Variants in IGFBP7 observed in about 807,000 individuals in gnomAD.
IGFBP7 encodes insulin like growth factor binding protein 7.
A neutral mutation model predicts 29.4 loss-of-function variants in IGFBP7; 31 were observed. The observed-to-expected ratio is 1.05, with a 90% CI of 0.79 to 1.42. IGFBP7 has a LOEUF of 1.42. Ranked by LOEUF, IGFBP7 falls within the 40% of genes most tolerant of loss-of-function variation. The pLI is 0.00. For synonymous variants in IGFBP7, 172 were observed against 174.9 expected (o/e 0.98, Z 0.13); for missense variants, 393 against 395.5 (o/e 0.99, Z 0.05).
chr4:57,050,653 T>C (rs1724482694), intron 1 of IGFBP7, among the ~76,000 whole-genome samples: 1 of 151,960 alleles, frequency 6.6e-6, no homozygotes, highest in South Asian at 2.1e-4. Context: ...TCATGGGTCC[T>C]TCTGCCTCAG....
At chr4:57,059,909 G>T (rs1235044375) in intron 1 of IGFBP7, among the ~76,000 whole-genome samples, 2 of 152,152 alleles carry the variant, frequency 1.3e-5, no homozygotes, top group Non-Finnish European at 2.9e-5. Flanking sequence ...TGGTTTAAAA[G>T]GTGAGAAAGG....
chr4:57,041,342 T>C (rs1052427706), intron 1 of IGFBP7, among the ~76,000 whole-genome samples: 6 of 152,048 alleles, frequency 3.9e-5, no homozygotes, highest in Non-Finnish European at 5.9e-5. Flanking sequence ...AAGCAACCGC[T>C]CCATGGGTAA....
At position 57,032,524 on chromosome 4, in the gene IGFBP7, C is replaced by T; in HGVS notation, c.731G>A (p.Gly244Glu). The T allele has an allele frequency of 1.2e-6, 2 of 1,613,858 alleles. No homozygotes were observed. Among genetic ancestry groups the T allele is most frequent in the Non-Finnish European group, 8.5e-7 (1 of 1,179,844 alleles). The change falls in exon 4 of 5, where the codon GGA becomes GAA. Residue 244 changes from glycine to glutamate, a missense_variant. Gly to Glu is a moderately conservative substitution (Grantham distance 98). Transcript: ENST00000295666. ...LVSPLSKEDAGEYECHASNSQ... is the reference protein window; with the variant it reads ...LVSPLSKEDAEEYECHASNSQ... ...ATTGGATGCATGGCACTCATATTCT[C>T]CAGCATCTTCCTTACTTAGAGGAGA... is the stretch of plus-strand genomic sequence containing the variant.
chr4:57,042,376 AC>A (rs1206824295), intron 1 of IGFBP7, among the ~76,000 whole-genome samples: 2 of 152,014 alleles, frequency 1.3e-5, no homozygotes, highest in Non-Finnish European at 2.9e-5. Flanking sequence ...TTGAGACAGA[AC>A]CTTACTCTGT....
At chr4:57,031,467 A>G (rs573570686) in intron 4 of IGFBP7, 131 bp from the exon 5 acceptor site, 38 of 702,746 alleles carry the variant, frequency 5.4e-5, no homozygotes, top group Non-Finnish European at 9.2e-5. Context: ...TATATGAGTA[A>G]TTGTATAAAT....
intron 1 of IGFBP7, among the ~76,000 whole-genome samples, chr4:57,089,401 A>G (rs1181051631): frequency 6.6e-6 from 1 of 152,208 alleles, no homozygotes; most frequent in South Asian, 2.1e-4. Context: ...CTGTGAAGGA[A>G]AGAGTGAAAT....
chr4:57,082,003 C>T (rs780079631), intron 1 of IGFBP7, among the ~76,000 whole-genome samples: 13 of 152,012 alleles, frequency 8.6e-5, no homozygotes, highest in Non-Finnish European at 1.6e-4. Flanking sequence ...GTTGTAGAAC[C>T]GACTCGGGGA....
chr4:57,040,144 A>T, intron 2 of IGFBP7, among the ~76,000 whole-genome samples: 1 of 151,920 alleles, frequency 6.6e-6, no homozygotes, highest in Admixed American at 6.6e-5. Flanking sequence ...CAGCCTTGGT[A>T]CTTAGGAGAA....
At chr4:57,100,018 G>A (rs912610033) in intron 1 of IGFBP7, among the ~76,000 whole-genome samples, 1 of 151,548 alleles carries the variant, frequency 6.6e-6, no homozygotes, top group Non-Finnish European at 1.5e-5. Flanking sequence ...TTATAGGCAT[G>A]AGCCACTGTG....
At chr4:57,048,847 G>T (rs115769412) in intron 1 of IGFBP7, among the ~76,000 whole-genome samples, 2,730 of 152,236 alleles carry the variant, frequency 0.018, 45 homozygotes, top group Middle Eastern at 0.024. Flanking sequence ...CTGAATCCTT[G>T]TCTACAATTT....
chr4:57,030,811 A>C lies in IGFBP7; in HGVS notation c.*506T>G. On this transcript the variant is annotated 3_prime_UTR_variant, in exon 5 of 5. Coordinates refer to ENST00000295666, the MANE Select transcript of IGFBP7 (RefSeq NM_001553.3). ...CTCCACTCATTTATTCATTATCTAC[A>C]GTACCAGATCTTTGTCTTTTTCTGG... The C allele has an allele frequency of 1.3e-6, 1 of 756,098 alleles. No individual in the cohort carries two copies. The highest frequency in any genetic ancestry group is 2.4e-6 in the Non-Finnish European group (1 of 415,390). 46.8% of individuals were successfully genotyped at this position (756,098 alleles called of 1,614,324 possible). A position where few individuals can be genotyped will look rare whatever the true frequency, so the allele number is the denominator to read the frequency against.
chr4:57,082,409 A>G (rs1725390741), intron 1 of IGFBP7, among the ~76,000 whole-genome samples: 1 of 152,172 alleles, frequency 6.6e-6, no homozygotes, highest in Non-Finnish European at 1.5e-5. Flanking sequence ...CTCTTAGACT[A>G]AGATGATACA....
At chr4:57,040,691 G>A in intron 2 of IGFBP7, 133 bp downstream of exon 2, 1 of 711,274 alleles carries the variant, frequency 1.4e-6, no homozygotes, top group African/African-American at 1.7e-5. Context: ...GGGCCTGTAT[G>A]ACTGCCCTAA....
chr4:57,053,402 C>G (rs1405744362), intron 1 of IGFBP7, among the ~76,000 whole-genome samples: 2 of 152,142 alleles, frequency 1.3e-5, no homozygotes, highest in Non-Finnish European at 2.9e-5. Flanking sequence ...GAGTCTGACT[C>G]CAGGGTGTGG....
intron 1 of IGFBP7, among the ~76,000 whole-genome samples, chr4:57,104,007 CT>C (rs954504933): frequency 5.9e-5 from 9 of 152,158 alleles, no homozygotes; most frequent in African/African-American, 2.2e-4. Context: ...ATCCTGTCCC[CT>C]CCTCCCAACC....
In IGFBP7 at chr4:57,047,849, C is replaced by T. The variant is rs116768494; in HGVS notation, c.476-6916G>A. ...TCCTGGGCCCAAACAATCCTCCCACCTCAGCTTCCCAAATAGCTAGGACTG... is the reference window on the plus strand; with the variant it reads ...TCCTGGGCCCAAACAATCCTCCCACTTCAGCTTCCCAAATAGCTAGGACTG... On this transcript the variant is annotated intron_variant, in intron 1 of 4. Transcript: ENST00000295666. 9.4e-3 allele frequency among the ~76,000 whole-genome samples: 1,435 copies of T among 152,250 alleles called. 24 individuals carry two copies. The highest frequency in any genetic ancestry group is 0.033 in the African/African-American group (1,371 of 41,534).
At chr4:57,100,405 A>G (rs965470936) in intron 1 of IGFBP7, among the ~76,000 whole-genome samples, 4 of 152,204 alleles carry the variant, frequency 2.6e-5, no homozygotes, top group Non-Finnish European at 5.9e-5. Flanking sequence ...TAATCTGGCT[A>G]TAGAAGGACT....
intron 1 of IGFBP7, among the ~76,000 whole-genome samples, chr4:57,074,164 G>A (rs146397511): frequency 0.052 from 7,883 of 152,172 alleles, 324 homozygotes; most frequent in East Asian, 0.24. Flanking sequence ...AAGTTCAAGC[G>A]ATTCTCCTGT....
At chr4:57,049,228 G>A (rs1724441930) in intron 1 of IGFBP7, among the ~76,000 whole-genome samples, 1 of 152,068 alleles carries the variant, frequency 6.6e-6, no homozygotes, top group South Asian at 2.1e-4. Context: ...AAGATATTAG[G>A]AGAAGTCATG....
Sources: gnomAD v4.1 joint callset for allele counts (sites outside exome capture counted in the v4.1 genomes callset) on GRCh38, gnomAD v4.1.1 for gene constraint, MANE v1.5 for transcripts, NCBI Gene and HGNC (gene_info 2026-07-23, HGNC 2026-07-21) for gene names.